RAP1GAP2: variants seen among roughly 807,000 people sequenced by gnomAD.
RAP1GAP2 encodes the protein rap1 GTPase-activating protein 2.
A neutral mutation model predicts 95.0 loss-of-function variants in RAP1GAP2; 27 were observed. The observed-to-expected ratio is 0.28, with a 90% CI of 0.21 to 0.39. RAP1GAP2 has a LOEUF of 0.39. Ranked by LOEUF, RAP1GAP2 falls within the 10% of genes least tolerant of loss-of-function variation. The pLI is 1.00. For synonymous variants in RAP1GAP2, 373 were observed against 380.9 expected (o/e 0.98, Z 0.24); for missense variants, 771 against 970.0 (o/e 0.79, Z 2.72).
intron 8 of RAP1GAP2, among the ~76,000 whole-genome samples, chr17:2,971,603 A>G (rs1392090469): frequency 1.3e-5 from 2 of 152,098 alleles, no homozygotes; most frequent in Non-Finnish European, 2.9e-5. Flanking sequence ...CAGTAAAATA[A>G]AAATAAGAGT....
At chr17:2,814,228 C>G (rs890770775) in intron 2 of RAP1GAP2, among the ~76,000 whole-genome samples, 3 of 152,136 alleles carry the variant, frequency 2.0e-5, no homozygotes. Context: ...TGACCTTGGA[C>G]AAGTTACTTA....
chr17:2,944,394 T>C (rs2151438954), intron 3 of RAP1GAP2, among the ~76,000 whole-genome samples: 1 of 152,296 alleles, frequency 6.6e-6, no homozygotes, highest in African/African-American at 2.4e-5. Context: ...TTGAAAAGAC[T>C]ATTCTTTCCC....
chr17:3,018,914 T>A (rs1426442042), intron 18 of RAP1GAP2, among the ~76,000 whole-genome samples: 1 of 151,860 alleles, frequency 6.6e-6, no homozygotes, highest in Non-Finnish European at 1.5e-5. Flanking sequence ...AATACAAAAA[T>A]TAACTGGGCG....
upstream of RAP1GAP2, among the ~76,000 whole-genome samples, chr17:2,776,839 GGAGGAGGAGGA>G (rs1234251062): frequency 8.3e-6 from 1 of 120,444 alleles, no homozygotes; most frequent in Non-Finnish European, 1.9e-5. Context: ...AGGAGGAGGA[GGAGGAGGAGGA>G]GGAGGAGGGG....
intron 1 of RAP1GAP2, among the ~76,000 whole-genome samples, chr17:2,768,975 C>T (rs1476039762): frequency 2.0e-5 from 3 of 151,046 alleles, no homozygotes; most frequent in Non-Finnish European, 2.9e-5. Context: ...TCCTGTAAAC[C>T]CAGCACTTTG....
chr17:3,007,074 T>C lies in RAP1GAP2; in HGVS notation c.1360-937T>C, dbSNP rs147446827. ...TGGGGAAGGGAGGGCTGATCTGGCATGGTAGACAGCATGAGCAAAGGTCAG... is the reference window on the plus strand; with the variant it reads ...TGGGGAAGGGAGGGCTGATCTGGCACGGTAGACAGCATGAGCAAAGGTCAG... On this transcript the variant is annotated intron_variant, in intron 16 of 24. Coordinates refer to ENST00000254695, the MANE Select transcript of RAP1GAP2 (RefSeq NM_015085.5). Among the ~76,000 whole-genome samples, 29 of 151,958 alleles carry C rather than the reference T, an allele frequency of 1.9e-4. No homozygotes were observed. In the East Asian group the frequency reaches 5.6e-3, roughly 30 times the overall value.
At chr17:2,927,334 TA>T (rs1298058781) in intron 3 of RAP1GAP2, among the ~76,000 whole-genome samples, 2 of 151,490 alleles carry the variant, frequency 1.3e-5, no homozygotes, top group South Asian at 2.1e-4. Context: ...TTTGTATTTT[TA>T]GTAGAGACGG....
chr17:2,781,824 G>A (rs1053307568), intron 1 of RAP1GAP2, among the ~76,000 whole-genome samples: 50 of 150,646 alleles, frequency 3.3e-4, no homozygotes, highest in Non-Finnish European at 5.9e-4. Flanking sequence ...CTCTGTGTGT[G>A]CAGGTCTCTG....
At chr17:2,849,617 C>G (rs2071742208) in intron 2 of RAP1GAP2, among the ~76,000 whole-genome samples, 1 of 152,234 alleles carries the variant, frequency 6.6e-6, no homozygotes, top group Admixed American at 6.5e-5. Flanking sequence ...CCCAGGCCCC[C>G]TCAGCCTTTG....
intron 3 of RAP1GAP2, among the ~76,000 whole-genome samples, chr17:2,941,167 C>T (rs1451029162): frequency 4.6e-5 from 7 of 152,150 alleles, no homozygotes; most frequent in African/African-American, 1.7e-4. Flanking sequence ...TTTGGGAGGC[C>T]GAAGCGGGTG....
rs370054330 is a variant in RAP1GAP2 at position 3,001,516 on chromosome 17, T to C, written c.1200+3140T>C. Among the ~76,000 whole-genome samples, 10 of 91,176 alleles carry C rather than the reference T, an allele frequency of 1.1e-4. No individual in the cohort carries two copies. In the South Asian group the frequency reaches 3.1e-3, roughly 28 times the overall value. 59.8% of individuals were successfully genotyped at this position (91,176 alleles called of 152,430 possible). A position where few individuals can be genotyped will look rare whatever the true frequency, so the allele number is the denominator to read the frequency against. Reference sequence around the variant, plus strand: ...AAGATCAGCCTCAGGGCCTTCCTGATGCCGGAGAAGGGACAGAAGAAGCAG... The same window carrying C: ...AAGATCAGCCTCAGGGCCTTCCTGACGCCGGAGAAGGGACAGAAGAAGCAG... On this transcript the variant is annotated intron_variant, in intron 14 of 24. Coordinates refer to ENST00000254695, the MANE Select transcript of RAP1GAP2 (RefSeq NM_015085.5).
At chr17:2,839,605 G>A (rs9896241) in intron 2 of RAP1GAP2, among the ~76,000 whole-genome samples, 71,116 of 151,866 alleles carry the variant, frequency 0.47, 16,915 homozygotes, top group Admixed American at 0.56. Flanking sequence ...ATTACATTTA[G>A]TTTTCACAGC....
At chr17:2,875,984 C>G (rs2073079881) in intron 2 of RAP1GAP2, among the ~76,000 whole-genome samples, 1 of 151,248 alleles carries the variant, frequency 6.6e-6, no homozygotes, top group African/African-American at 2.4e-5. Flanking sequence ...GTCGCCCAGG[C>G]TGGAGTGCAA....
intron 19 of RAP1GAP2, among the ~76,000 whole-genome samples, chr17:3,025,780 C>T (rs2047089875): frequency 6.6e-6 from 1 of 152,178 alleles, no homozygotes; most frequent in African/African-American, 2.4e-5. Context: ...CTCTGGACTT[C>T]ACCATGAACC....
chr17:2,863,926 C>T (rs2072515062), intron 2 of RAP1GAP2, among the ~76,000 whole-genome samples: 1 of 152,174 alleles, frequency 6.6e-6, no homozygotes, highest in South Asian at 2.1e-4. Context: ...GTGGTGGGTG[C>T]CTGTAATCCC....
intron 2 of RAP1GAP2, among the ~76,000 whole-genome samples, chr17:2,868,416 G>A (rs971867289): frequency 6.6e-6 from 1 of 152,146 alleles, no homozygotes; most frequent in Non-Finnish European, 1.5e-5. Context: ...TCGAAACTGC[G>A]GCCCTTGGCT....
chr17:2,987,393 T>G (rs1414130295), intron 11 of RAP1GAP2, among the ~76,000 whole-genome samples: 6 of 152,236 alleles, frequency 3.9e-5, no homozygotes, highest in Non-Finnish European at 7.3e-5. Context: ...GACGGAGTTT[T>G]GCTCTTGTTG....
chr17:2,844,177 T>C (rs1051688269), intron 2 of RAP1GAP2, among the ~76,000 whole-genome samples: 12 of 151,968 alleles, frequency 7.9e-5, no homozygotes, highest in East Asian at 1.9e-4. Context: ...CCCGCCACCA[T>C]GCCTGGCTAA....
chr17:2,783,201 G>A (rs904794031), intron 1 of RAP1GAP2, among the ~76,000 whole-genome samples: 2 of 152,104 alleles, frequency 1.3e-5, no homozygotes, highest in Admixed American at 6.6e-5. Flanking sequence ...AGCTGTGTCC[G>A]TCTCGTCTTG....
Sources: gnomAD v4.1 joint callset for allele counts (sites outside exome capture counted in the v4.1 genomes callset) on GRCh38, gnomAD v4.1.1 for gene constraint, MANE v1.5 for transcripts, NCBI Gene and HGNC (gene_info 2026-07-23, HGNC 2026-07-21) for gene names.